The following APBA2 variants were observed in gnomAD, a reference collection of about 807,000 sequenced individuals.
APBA2 encodes amyloid-beta A4 precursor protein-binding family A member 2.
Under a neutral mutation model 75.0 loss-of-function variants are expected in APBA2, and 30 were observed. The ratio of observed to expected loss-of-function variants is 0.40; its 90% CI spans 0.30 to 0.54. The LOEUF (loss-of-function observed/expected upper bound fraction) is 0.54, where lower values mean the gene tolerates loss of function less well. Ranked by LOEUF, APBA2 falls within the 20% of genes least tolerant of loss-of-function variation. The probability of loss-of-function intolerance (pLI) is 0.49; values close to 1 mark genes in which losing one functional copy is unlikely to be tolerated. For missense variants in APBA2, 801 were observed against 1,016.1 expected, an observed-to-expected ratio of 0.79 and a Z score of 2.88; for synonymous variants, 444 against 409.6, an observed-to-expected ratio of 1.08 and a Z score of -1.01.
At chr15:29,091,293 G>C (rs1349654058) in intron 6 of APBA2, among the ~76,000 whole-genome samples, 1 of 152,152 alleles carries the variant, frequency 6.6e-6, no homozygotes, top group Non-Finnish European at 1.5e-5. Flanking sequence ...TCCCTGTGGG[G>C]AGAGACGGCT....
chr15:28,947,738 G>C (rs894879460), intron 2 of APBA2, among the ~76,000 whole-genome samples: 2 of 152,164 alleles, frequency 1.3e-5, no homozygotes, highest in East Asian at 3.9e-4. Context: ...AGCGCCTCTA[G>C]AGACTCAAAC....
chr15:29,040,552 G>C (rs184731415), intron 3 of APBA2, among the ~76,000 whole-genome samples: 2 of 152,330 alleles, frequency 1.3e-5, no homozygotes, highest in Admixed American at 6.5e-5. Flanking sequence ...TGAATAGCTC[G>C]TGCTTGAAGC....
intron 3 of APBA2, among the ~76,000 whole-genome samples, chr15:29,016,228 G>A (rs2152822325): frequency 6.6e-6 from 1 of 152,296 alleles, no homozygotes; most frequent in African/African-American, 2.4e-5. Flanking sequence ...CTGCACTCCA[G>A]CCTGGAGACA....
chr15:28,916,528 C>T (rs2033698688), intron 1 of APBA2, among the ~76,000 whole-genome samples: 1 of 152,256 alleles, frequency 6.6e-6, no homozygotes. Context: ...CACCTCTCTC[C>T]CCGCTCCCCT....
chr15:28,964,726 G>A (rs527832427), intron 2 of APBA2, among the ~76,000 whole-genome samples: 10 of 152,210 alleles, frequency 6.6e-5, no homozygotes, highest in African/African-American at 2.4e-4. Flanking sequence ...GACCTCAGGT[G>A]ATCAGCCCAC....
rs1037441283 is a variant in APBA2, at chr15:28,973,219, C to A, written c.-94-22534C>A. Among the ~76,000 whole-genome samples, 5 of 152,276 alleles carry A rather than the reference C, an allele frequency of 3.3e-5. No homozygotes were observed. In the East Asian group the frequency reaches 9.6e-4, roughly 29 times the overall value. ...AATAGGTAAAGACAAAGAAACAGAACTTGGATTTCTTCAATTCTGTCATTC... is the reference window on the plus strand; with the variant it reads ...AATAGGTAAAGACAAAGAAACAGAAATTGGATTTCTTCAATTCTGTCATTC... On this transcript the variant is annotated intron_variant, in intron 2 of 14. Coordinates refer to ENST00000683413, the MANE Select transcript of APBA2 (RefSeq NM_001353788.2).
chr15:28,949,798 T>C (rs2035753461), intron 2 of APBA2, among the ~76,000 whole-genome samples: 1 of 152,236 alleles, frequency 6.6e-6, no homozygotes, highest in Non-Finnish European at 1.5e-5. Context: ...CTTTTAATTC[T>C]AGAACAGCTT....
chr15:29,083,673 G>A (rs1478521831), intron 6 of APBA2, among the ~76,000 whole-genome samples: 2 of 152,062 alleles, frequency 1.3e-5, no homozygotes, highest in African/African-American at 2.4e-5. Context: ...TGGAATTACA[G>A]GGGTGCACCA....
intron 2 of APBA2, among the ~76,000 whole-genome samples, chr15:28,973,555 GA>G (rs1256714528): frequency 6.6e-6 from 1 of 152,160 alleles, no homozygotes; most frequent in Non-Finnish European, 1.5e-5. Context: ...CATAGCAGGG[GA>G]CAGGCTTCAT....
At chr15:29,011,793 T>C (rs923529) in intron 3 of APBA2, among the ~76,000 whole-genome samples, 35,984 of 152,140 alleles carry the variant, frequency 0.24, 8,328 homozygotes, top group African/African-American at 0.59. Flanking sequence ...ATTTGTCTTA[T>C]TATAGTCCTG....
At chr15:29,037,628 CT>C (rs1180952909) in intron 3 of APBA2, among the ~76,000 whole-genome samples, 2 of 152,236 alleles carry the variant, frequency 1.3e-5, no homozygotes, top group East Asian at 3.9e-4. Flanking sequence ...GACTGGGACC[CT>C]TGACTCTCCT....
At chr15:29,108,686 C>A in intron 13 of APBA2, 1 of 537,330 alleles carries the variant, frequency 1.9e-6, no homozygotes, top group Non-Finnish European at 3.4e-6. Context: ...CAGACTTCAC[C>A]AGCCACTGTA....
intron 3 of APBA2, among the ~76,000 whole-genome samples, chr15:29,039,508 A>T (rs1366193736): frequency 1.3e-5 from 2 of 152,126 alleles, no homozygotes; most frequent in Non-Finnish European, 2.9e-5. Context: ...AGCCACCCAG[A>T]GTGTCCAAAT....
intron 6 of APBA2, among the ~76,000 whole-genome samples, chr15:29,076,672 A>G (rs367692785): frequency 1.3e-5 from 2 of 152,128 alleles, no homozygotes; most frequent in East Asian, 3.8e-4. Context: ...TAGTGCTCCA[A>G]CCTCAGAGTA....
Position 29,054,074 on chromosome 15 carries a change from C to T in APBA2, c.190C>T (p.His64Tyr), listed in dbSNP as rs746702725. The change falls in exon 4 of 15, where the codon CAC (histidine) becomes TAC (tyrosine). Residue 64 changes from histidine to tyrosine, a missense_variant. Physicochemically the swap from His to Tyr is moderately conservative, Grantham distance 83. This residue lies in a region of APBA2 where 434 missense variants were observed against 471.6 expected (regional missense o/e 0.92). Transcript: ENST00000683413. This position sits in a 1 kb window ranked among gnomAD's most constrained non-coding sequence, Gnocchi z 6.1. The part of the protein sequence containing the change: ...ESPAPEEQEC[H>Y]NHSPDGDSSS... ...CCCCGCGCCAGAGGAACAGGAGTGC[C>T]ACAACCACAGCCCCGATGGGGACTC... 8.7e-6 allele frequency: 14 copies of T among 1,614,044 alleles called. 1 individual carries two copies. In the South Asian group the frequency reaches 1.2e-4, roughly 14 times the overall value.
chr15:29,039,738 A>C (rs748520012), intron 3 of APBA2, among the ~76,000 whole-genome samples: 24 of 152,174 alleles, frequency 1.6e-4, no homozygotes, highest in Non-Finnish European at 5.9e-5. Context: ...TAATCGAATG[A>C]AGTAAAAATA....
chr15:29,099,595 T>G (rs184536895), intron 9 of APBA2, among the ~76,000 whole-genome samples: 38 of 152,372 alleles, frequency 2.5e-4, no homozygotes, highest in Non-Finnish European at 4.6e-4. Flanking sequence ...ACAAACGGTT[T>G]AGGCAAAAGG....
At chr15:28,978,361 G>T (rs1224914926) in intron 2 of APBA2, among the ~76,000 whole-genome samples, 1 of 152,212 alleles carries the variant, frequency 6.6e-6, no homozygotes, top group Non-Finnish European at 1.5e-5. Context: ...GATGCCCTTG[G>T]TCATCTTTGG....
intron 3 of APBA2, among the ~76,000 whole-genome samples, chr15:29,052,916 A>G (rs953800841): frequency 6.6e-6 from 1 of 152,186 alleles, no homozygotes; most frequent in East Asian, 1.9e-4. Context: ...ACTTCCTCCC[A>G]AGATAAAGAC....
Sources: gnomAD v4.1 joint callset for allele counts (sites outside exome capture counted in the v4.1 genomes callset) on GRCh38, gnomAD v4.1.1 for gene constraint, gnomAD v4.1.1 regional missense constraint, Gnocchi (gnomAD v3.1) non-coding constraint, MANE v1.5 for transcripts, NCBI Gene and HGNC (gene_info 2026-07-23, HGNC 2026-07-21) for gene names.